The following SANBR variants were observed in gnomAD, a reference collection of about 807,000 sequenced individuals.
SANBR encodes SANT and BTB domain regulator of CSR.
In SANBR, 77 loss-of-function variants were observed where a neutral mutation model predicts 101.8. The observed-to-expected ratio is 0.76, with a 90% CI of 0.63 to 0.91. The LOEUF is 0.91. Ranked by LOEUF, SANBR falls within the 40% of genes least tolerant of loss-of-function variation. SANBR has a pLI of 0.00. For synonymous variants in SANBR, 279 were observed against 274.7 expected (o/e 1.02, Z -0.15); for missense variants, 875 against 853.0 (o/e 1.03, Z -0.32).
intron 21 of SANBR, among the ~76,000 whole-genome samples, chr2:61,134,583 C>T (rs1684788722): frequency 6.6e-6 from 1 of 152,190 alleles, no homozygotes; most frequent in African/African-American, 2.4e-5. Flanking sequence ...AGCTCTTCTG[C>T]TCTATTAGAA....
chr2:61,107,035 CT>C (rs1382654693), intron 14 of SANBR, among the ~76,000 whole-genome samples: 1 of 151,864 alleles, frequency 6.6e-6, no homozygotes, highest in East Asian at 1.9e-4. Flanking sequence ...AGTGTGGTGC[CT>C]TGTGCCTGTA....
intron 8 of SANBR, among the ~76,000 whole-genome samples, chr2:61,087,094 T>C (rs1484818516): frequency 5.9e-5 from 9 of 152,176 alleles, no homozygotes; most frequent in Non-Finnish European, 1.0e-4. Context: ...AAAACATCAC[T>C]TAACCCTCAT....
At position 61,083,206 on chromosome 2, in the gene SANBR, C is replaced by A. The variant is rs1373630926; in HGVS notation, c.782C>A (p.Thr261Asn). Residue 261 changes from threonine (T) to asparagine (N), a missense_variant, in exon 8 of 22, where the codon ACC becomes AAC. Transcript: ENST00000402291. ...AAAAATATGAATGCCATAGTAGCTA[C>A]CCCATGCAACATGAACTGTATTAAT... is the stretch of plus-strand genomic sequence containing the variant. ...CHKNMNAIVA[T>N]PCNMNCINAN... 1 of 1,611,504 alleles carries A rather than the reference C, an allele frequency of 6.2e-7. No individual in the cohort carries two copies.
intron 21 of SANBR, among the ~76,000 whole-genome samples, chr2:61,134,820 G>A (rs1684796026): frequency 6.6e-6 from 1 of 152,092 alleles, no homozygotes; most frequent in African/African-American, 2.4e-5. Flanking sequence ...CTTGAACCTG[G>A]GAGGTGGAGG....
downstream of SANBR, among the ~76,000 whole-genome samples, chr2:61,127,384 G>A (rs1038975987): frequency 3.3e-5 from 5 of 152,176 alleles, no homozygotes; most frequent in Non-Finnish European, 2.9e-5. Context: ...CCTATGGAAA[G>A]ATACACTAGA....
downstream of SANBR, among the ~76,000 whole-genome samples, chr2:61,126,769 C>CAA (rs34858449): frequency 7.2e-3 from 784 of 109,100 alleles, 27 homozygotes; most frequent in Admixed American, 0.064. Flanking sequence ...GCCACTGTCT[C>CAA]AAAAAAAAAA....
chr2:61,104,015 C>T lies in SANBR; in HGVS notation c.1511+17C>T, dbSNP rs758853612. ...TACAGTTAGGTGAGGGGTGGAAAAACCCAACACTGTATTATAGCTTTATTC... is the reference window on the plus strand; with the variant it reads ...TACAGTTAGGTGAGGGGTGGAAAAATCCAACACTGTATTATAGCTTTATTC... On this transcript the variant is annotated intron_variant, in intron 13 of 21. Transcript: ENST00000402291. 40 of 1,611,768 alleles carry T rather than the reference C, an allele frequency of 2.5e-5. 1 individual carries two copies. The South Asian group carries it at 3.6e-4, about 15-fold the overall frequency.
intron 7 of SANBR, among the ~76,000 whole-genome samples, chr2:61,082,675 C>T (rs1160063369): frequency 6.6e-6 from 1 of 152,034 alleles, no homozygotes; most frequent in African/African-American, 2.4e-5. Context: ...AAAAATTAGC[C>T]AGGCGTGGTG....
chr2:61,128,099 T>C (rs546397769), downstream of SANBR, among the ~76,000 whole-genome samples: 17 of 151,804 alleles, frequency 1.1e-4, no homozygotes, highest in South Asian at 3.5e-3. Flanking sequence ...GGTGAAACCC[T>C]GTCTCTACTA....
At chr2:61,086,192 C>T (rs1233118171) in intron 8 of SANBR, among the ~76,000 whole-genome samples, 4 of 151,800 alleles carry the variant, frequency 2.6e-5, no homozygotes, top group Non-Finnish European at 5.9e-5. Context: ...ACAGGGTCTT[C>T]TTGCTCAGTC....
At chr2:61,080,283 A>G (rs1267218056) in intron 6 of SANBR, among the ~76,000 whole-genome samples, 1 of 152,166 alleles carries the variant, frequency 6.6e-6, no homozygotes, top group Non-Finnish European at 1.5e-5. Flanking sequence ...CATTTACCAA[A>G]AAAAGTCTTT....
intron 1 of SANBR, among the ~76,000 whole-genome samples, chr2:61,066,797 C>G (rs910646252): frequency 1.3e-5 from 2 of 152,086 alleles, no homozygotes; most frequent in Admixed American, 1.3e-4. Flanking sequence ...TTAGACTAGT[C>G]TTCTTAATTA....
At position 61,070,462 on chromosome 2, in the gene SANBR, A is replaced by G; in HGVS notation, c.112A>G (p.Thr38Ala). The change falls in exon 3 of 22, where the codon ACT becomes GCT. Residue 38 changes from threonine (T) to alanine (A), a missense_variant. Transcript: ENST00000402291. ...IGIPQTINWE[T>A]IARLVPGLTP... ...AATCCCTCAGACTATCAACTGGGAA[A>G]CTATAGCAAGGCTCGTGCCTGGATT... 1 of 1,603,480 alleles carries G rather than the reference A, an allele frequency of 6.2e-7. No individual in the cohort carries two copies. The highest frequency in any genetic ancestry group is 8.5e-7 in the Non-Finnish European group (1 of 1,176,052).
chr2:61,121,986 G>C, intron 21 of SANBR, 140 bp from the exon 22 acceptor site: 1 of 1,112,856 alleles, frequency 9.0e-7, no homozygotes, highest in East Asian at 2.6e-5. Flanking sequence ...CTCCTGTTAA[G>C]AGTTTTAGAA....
chr2:61,098,247 G>A (rs950451148), intron 12 of SANBR, among the ~76,000 whole-genome samples: 1 of 151,694 alleles, frequency 6.6e-6, no homozygotes, highest in African/African-American at 2.4e-5. Flanking sequence ...GGGACTACAG[G>A]CACACGCCAT....
chr2:61,084,651 A>G (rs753950540), intron 8 of SANBR, among the ~76,000 whole-genome samples: 2 of 152,086 alleles, frequency 1.3e-5, no homozygotes, highest in Non-Finnish European at 2.9e-5. Flanking sequence ...AGGGTTGTTT[A>G]GGTCATAGCA....
Position 61,092,481 on chromosome 2 carries a change from T to G in SANBR, c.1106T>G (p.Val369Gly). ...YIHIRDKTWD[V>G]HEYLNSLFEE... ...TTCTCCAGAGATAAGACATGGGATGTTCATGAGTATTTGAATAGTCTTTTC... is the reference window on the plus strand; with the variant it reads ...TTCTCCAGAGATAAGACATGGGATGGTCATGAGTATTTGAATAGTCTTTTC... Residue 369 changes from valine (V) to glycine (G), a missense_variant, in exon 11 of 22, where the codon GTT becomes GGT. Transcript: ENST00000402291. 1 of 1,595,016 alleles carries G rather than the reference T, an allele frequency of 6.3e-7. No individual in the cohort carries two copies. The highest frequency in any genetic ancestry group is 8.5e-7 in the Non-Finnish European group (1 of 1,171,664).
In SANBR at chr2:61,121,291, A is replaced by G; in HGVS notation, c.2120+15A>G. Reference sequence around the variant, plus strand: ...AAAAACACAAGGTAAATCAGCATAAACTAAACCAGAGTGTCAGTGGCTTTG... The same window carrying G: ...AAAAACACAAGGTAAATCAGCATAAGCTAAACCAGAGTGTCAGTGGCTTTG... On this transcript the variant is annotated intron_variant, in intron 21 of 21. Transcript: ENST00000402291. 6.5e-7 allele frequency: 1 copy of G among 1,541,674 alleles called. No homozygotes were observed. The highest frequency in any genetic ancestry group is 1.2e-5 in the South Asian group (1 of 83,650).
chr2:61,082,639 T>C (rs866004316), intron 7 of SANBR, among the ~76,000 whole-genome samples: 5 of 152,226 alleles, frequency 3.3e-5, no homozygotes, highest in Admixed American at 2.0e-4. Flanking sequence ...GCCAACATGG[T>C]GAAACGCTGT....
Sources: gnomAD v4.1 joint callset for allele counts (sites outside exome capture counted in the v4.1 genomes callset) on GRCh38, gnomAD v4.1.1 for gene constraint, MANE v1.5 for transcripts, NCBI Gene and HGNC (gene_info 2026-07-23, HGNC 2026-07-21) for gene names.